The following CFAP47 variants were observed in gnomAD, a reference collection of about 807,000 sequenced individuals.
The protein encoded by CFAP47 is cilia and flagella associated protein 47, also known as cilia- and flagella-associated protein 47.
Under a neutral mutation model 148.1 loss-of-function variants are expected in CFAP47, and 29 were observed. The observed-to-expected ratio is 0.20, with a 90% confidence interval of 0.15 to 0.27. CFAP47 has a LOEUF of 0.27. Ranked by LOEUF, CFAP47 falls within the 10% of genes least tolerant of loss-of-function variation. CFAP47 has a pLI of 1.00. For missense variants in CFAP47, 1,872 were observed against 1,697.5 expected (o/e 1.10, Z -1.81); for synonymous variants, 664 against 577.3 (o/e 1.15, Z -2.15).
intron 63 of CFAP47, among the ~76,000 whole-genome samples, chrX:36,383,667 A>C (rs1482589113): frequency 9.0e-6 from 1 of 111,444 alleles, no homozygotes; most frequent in Non-Finnish European, 1.9e-5. Flanking sequence ...TATGATTAGG[A>C]TGAGGCTATT....
At chrX:36,191,508 T>G (rs1274435172) in intron 42 of CFAP47, among the ~76,000 whole-genome samples, 2 of 112,012 alleles carry the variant, frequency 1.8e-5, no homozygotes, top group Non-Finnish European at 3.8e-5. Flanking sequence ...TATACTGCTA[T>G]CAATTGAGAA....
chrX:36,248,371 A>G, intron 48 of CFAP47, among the ~76,000 whole-genome samples: 1 of 105,032 alleles, frequency 9.5e-6, no homozygotes, highest in South Asian at 3.9e-4. Context: ...ATATGTGTGT[A>G]TATATATTAT....
intron 45 of CFAP47, chrX:36,211,749 G>A (rs1940104041): frequency 4.9e-6 from 1 of 205,838 alleles, no homozygotes; most frequent in Non-Finnish European, 9.4e-6. Flanking sequence ...GTTGCTTCTA[G>A]TGTAGTCTTT....
intron 49 of CFAP47, among the ~76,000 whole-genome samples, chrX:36,253,898 G>A (rs1940720148): frequency 9.0e-6 from 1 of 111,719 alleles, no homozygotes; most frequent in Admixed American, 9.6e-5. Flanking sequence ...AACACATAAA[G>A]CATCAGGATG....
chrX:36,372,362 AG>A (rs1232830050), intron 62 of CFAP47, among the ~76,000 whole-genome samples: 1 of 111,843 alleles, frequency 8.9e-6, no homozygotes, highest in East Asian at 2.8e-4. Context: ...ATTCTGACGT[AG>A]TATAGTAATT....
At chrX:36,001,835 T>C in intron 21 of CFAP47, 128 bp downstream of exon 21, 1 of 257,699 alleles carries the variant, frequency 3.9e-6, no homozygotes, top group Non-Finnish European at 6.9e-6. Context: ...TGCCTGGGTA[T>C]ACCTTAATTC....
chrX:36,026,626 A>G (rs1189450352), intron 22 of CFAP47, among the ~76,000 whole-genome samples: 2 of 111,098 alleles, frequency 1.8e-5, no homozygotes, highest in East Asian at 5.7e-4. Flanking sequence ...CAAAATGCCT[A>G]TATGATAAAT....
intron 2 of CFAP47, among the ~76,000 whole-genome samples, chrX:35,930,284 C>A (rs544800253): frequency 9.0e-6 from 1 of 110,916 alleles, no homozygotes; most frequent in Non-Finnish European, 1.9e-5. Flanking sequence ...TGAAATAAAT[C>A]CATTTTAGTC....
At chrX:36,014,747 A>G in intron 21 of CFAP47, 27 bp from the exon 22 acceptor site, 1 of 290,484 alleles carries the variant, frequency 3.4e-6, no homozygotes, top group Non-Finnish European at 6.0e-6. Flanking sequence ...AAAAATTAAC[A>G]AGTATAATGT....
At chrX:35,937,110 T>G (rs1286792772) in intron 2 of CFAP47, among the ~76,000 whole-genome samples, 1 of 61,845 alleles carries the variant, frequency 1.6e-5, no homozygotes, top group African/African-American at 8.5e-5. Flanking sequence ...TGCTGTTTTT[T>G]TTTTTTTTTT....
intron 40 of CFAP47, among the ~76,000 whole-genome samples, chrX:36,182,931 A>G (rs1250184683): frequency 1.8e-5 from 2 of 112,436 alleles, no homozygotes; most frequent in Non-Finnish European, 3.8e-5. Context: ...GCTGTATGTT[A>G]TTTCCAAATG....
chrX:35,985,295 G>T (rs1051293349), intron 15 of CFAP47, among the ~76,000 whole-genome samples: 3 of 111,035 alleles, frequency 2.7e-5, no homozygotes, highest in South Asian at 7.8e-4. Flanking sequence ...CCTATTGGGG[G>T]TGCTGTCAAA....
rs150383089 is a variant in CFAP47 at position 36,134,617 on chromosome X, G to A, written c.5321-3341G>A. On this transcript the variant is annotated intron_variant, in intron 33 of 63. Coordinates refer to ENST00000378653, the MANE Select transcript of CFAP47 (RefSeq NM_001304548.2). ...AGCATTGGCCTATACCTCACATCTC[G>A]TACTAAAATTATCTCAAAGTAGATC... is the stretch of plus-strand genomic sequence containing the variant. Among the ~76,000 whole-genome samples, 643 of 111,093 alleles carry A rather than the reference G, an allele frequency of 5.8e-3. 2 individuals carry two copies. The highest frequency in any genetic ancestry group is 7.8e-3 in the Non-Finnish European group (413 of 52,849).
chrX:35,976,021 T>C (rs963385981), intron 15 of CFAP47, 108 bp downstream of exon 15: 3 of 771,854 alleles, frequency 3.9e-6, no homozygotes, highest in Admixed American at 5.6e-5. Context: ...GCCAAGAGTA[T>C]AGAAGTAAAT....
At position 36,099,674 on chromosome X, in the gene CFAP47, A is replaced by G. The variant is rs780753727; in HGVS notation, c.4999-77A>G. Reference sequence around the variant, plus strand: ...ATTAAAGTATAGAAAAGGCATCCACATGTTTTGAAAAAAAAAACTCATATG... The same window carrying G: ...ATTAAAGTATAGAAAAGGCATCCACGTGTTTTGAAAAAAAAAACTCATATG... On this transcript the variant is annotated intron_variant, in intron 31 of 63. Transcript: ENST00000378653. 67 of 469,662 alleles carry G rather than the reference A, an allele frequency of 1.4e-4. 1 individual carries two copies. The South Asian group carries it at 2.1e-3, about 14-fold the overall frequency. The allele number at this position is 469,662 out of a possible 1,213,427, so 38.7% of individuals were successfully genotyped here.
chrX:36,338,244 C>T (rs1556015218), intron 57 of CFAP47, among the ~76,000 whole-genome samples: 1 of 108,799 alleles, frequency 9.2e-6, no homozygotes, highest in Admixed American at 9.9e-5. Flanking sequence ...TACAATAGCT[C>T]TCAGTTTAAA....
intron 51 of CFAP47, among the ~76,000 whole-genome samples, chrX:36,289,979 C>T (rs1412050173): frequency 9.1e-6 from 1 of 110,466 alleles, no homozygotes; most frequent in Non-Finnish European, 1.9e-5. Flanking sequence ...AGGAAGGGTG[C>T]CTTTATTCTC....
intron 50 of CFAP47, among the ~76,000 whole-genome samples, chrX:36,285,137 T>G (rs1440267315): frequency 9.0e-6 from 1 of 111,058 alleles, no homozygotes; most frequent in Non-Finnish European, 1.9e-5. Context: ...GCTAAATTCT[T>G]AGGATCCTTT....
At chrX:36,167,046 T>A (rs1939499673) in intron 39 of CFAP47, among the ~76,000 whole-genome samples, 1 of 111,570 alleles carries the variant, frequency 9.0e-6, no homozygotes. Flanking sequence ...GTTCTATAAA[T>A]CATTGTTTAA....
Sources: allele counts gnomAD v4.1 joint callset (sites outside exome capture counted in the v4.1 genomes callset), GRCh38; gene constraint gnomAD v4.1.1; transcripts MANE v1.5; gene names NCBI Gene and HGNC (gene_info 2026-07-23, HGNC 2026-07-21).